The following XPO7 variants were observed in gnomAD, a reference collection of about 807,000 sequenced individuals.
The protein encoded by XPO7 is exportin-7.
XPO7 carries 21 observed loss-of-function variants against 144.3 expected under a neutral mutation model. The observed-to-expected ratio is 0.15, with a 90% CI of 0.10 to 0.21. The LOEUF (loss-of-function observed/expected upper bound fraction) is 0.21. XPO7 is among the 10% of genes least tolerant of loss of function. XPO7 has a pLI of 1.00. For missense variants in XPO7, 808 were observed against 1,325.8 expected, an observed-to-expected ratio of 0.61 and a Z score of 6.06; for synonymous variants, 580 against 499.6, an observed-to-expected ratio of 1.16 and a Z score of -2.15.
rs140497489 is a variant in XPO7, at chr8:21,971,477, G to A, written c.427-399G>A. ...ATTTATTGCTTATATTTGTTTTTCT[G>A]TGAACTTCTATTTATATCTTAACCA... On this transcript the variant is annotated intron_variant, in intron 4 of 27. Coordinates refer to ENST00000252512, the MANE Select transcript of XPO7 (RefSeq NM_015024.5). 5.0e-3 allele frequency among the ~76,000 whole-genome samples: 766 copies of A among 152,254 alleles called. 6 individuals are homozygous for A. Among genetic ancestry groups the A allele is most frequent in the African/African-American group, 0.017 (725 of 41,554 alleles).
intron 1 of XPO7, chr8:21,921,413 GAA>G (rs1810283308): frequency 6.6e-6 from 1 of 152,250 alleles, no homozygotes; most frequent in Non-Finnish European, 1.5e-5. Flanking sequence ...GAGCATTCTA[GAA>G]CAGGCTTTGA....
chr8:21,957,376 C>A (rs1811570942), intron 1 of XPO7, among the ~76,000 whole-genome samples: 1 of 152,020 alleles, frequency 6.6e-6, no homozygotes, highest in Non-Finnish European at 1.5e-5. Context: ...TTTGGGCCAC[C>A]CCACTTCACC....
At chr8:21,977,006 T>C (rs1812245204) in intron 7 of XPO7, among the ~76,000 whole-genome samples, 1 of 152,232 alleles carries the variant, frequency 6.6e-6, no homozygotes, top group Admixed American at 6.5e-5. Flanking sequence ...AGTAATCTCA[T>C]AGATCCCCCA....
chr8:21,982,927 A>C, intron 11 of XPO7, 115 bp downstream of exon 11: 1 of 1,278,432 alleles, frequency 7.8e-7, no homozygotes, highest in Non-Finnish European at 1.1e-6. Context: ...TGGAGCCACT[A>C]CTGTTCATGG....
At chr8:22,002,797 T>TAA (rs3214963) in intron 25 of XPO7, among the ~76,000 whole-genome samples, 32,768 of 152,142 alleles carry the variant, frequency 0.22, 5,197 homozygotes, top group African/African-American at 0.45. Context: ...TAGCCAGTCT[T>TAA]ACCTTTGTCC....
At chr8:21,927,938 G>C (rs1788928442) in intron 1 of XPO7, among the ~76,000 whole-genome samples, 1 of 152,188 alleles carries the variant, frequency 6.6e-6, no homozygotes, top group South Asian at 2.1e-4. Flanking sequence ...GATTACTGTT[G>C]TGTAAATCTG....
At chr8:21,924,475 C>T (rs1445144053) in intron 1 of XPO7, among the ~76,000 whole-genome samples, 1 of 151,176 alleles carries the variant, frequency 6.6e-6, no homozygotes. Flanking sequence ...AACTACTATC[C>T]TGTCATTTTA....
At position 21,976,548 on chromosome 8, in the gene XPO7, G is replaced by A. The variant is rs1431568065; in HGVS notation, c.763+27G>A. Reference sequence around the variant, plus strand: ...TAACAGAACTTCCTCCACCTCAAAGGCTGTCTGTCACTCCCCTACAGAGTG... The same window carrying A: ...TAACAGAACTTCCTCCACCTCAAAGACTGTCTGTCACTCCCCTACAGAGTG... On this transcript the variant is annotated intron_variant, in intron 7 of 27. Transcript: ENST00000252512. 1.9e-6 allele frequency: 3 copies of A among 1,598,798 alleles called. No individual in the cohort carries two copies. The South Asian group carries it at 3.4e-5, about 18-fold the overall frequency.
At chr8:22,001,099 G>A (rs973032769) in intron 24 of XPO7, among the ~76,000 whole-genome samples, 1 of 152,100 alleles carries the variant, frequency 6.6e-6, no homozygotes, top group Non-Finnish European at 1.5e-5. Context: ...CAGATCACAA[G>A]GTCAGGAGCT....
chr8:21,975,829 T>TA (rs1296300831), intron 6 of XPO7, among the ~76,000 whole-genome samples: 4 of 152,242 alleles, frequency 2.6e-5, no homozygotes, highest in Non-Finnish European at 5.9e-5. Context: ...CTATGGCCAG[T>TA]ACTCACCTGT....
At chr8:21,984,240 C>A (rs117418513) in intron 11 of XPO7, among the ~76,000 whole-genome samples, 1 of 152,050 alleles carries the variant, frequency 6.6e-6, no homozygotes, top group East Asian at 1.9e-4. Context: ...TTGAACAGTT[C>A]TGAATTCCAA....
In XPO7 at chr8:21,982,770, C is replaced by T; in HGVS notation, c.1235C>T (p.Ala412Val). 1 of 1,613,590 alleles carries T rather than the reference C, an allele frequency of 6.2e-7. No homozygotes were observed. Among genetic ancestry groups the T allele is most frequent in the Non-Finnish European group, 8.5e-7 (1 of 1,179,758 alleles). ...LETYTPEVTKAYITSRLESVH... is the reference protein window; with the variant it reads ...LETYTPEVTKVYITSRLESVH... ...ACTTACACTCCTGAGGTCACCAAAG[C>T]CTACATCACATCCCGGTTGGAATCT... Residue 412 changes from alanine to valine, a missense_variant, in exon 11 of 28, where the codon GCC (alanine) becomes GTC (valine). By Grantham distance (64) the Ala-to-Val change is moderately conservative. Coordinates refer to ENST00000252512, the MANE Select transcript of XPO7 (RefSeq NM_015024.5).
intron 1 of XPO7, among the ~76,000 whole-genome samples, chr8:21,927,655 C>T (rs1413192733): frequency 6.6e-6 from 1 of 151,466 alleles, no homozygotes; most frequent in Non-Finnish European, 1.5e-5. Context: ...AAGCAGTTCT[C>T]CTGCCTCAGC....
intron 1 of XPO7, among the ~76,000 whole-genome samples, chr8:21,923,207 T>G (rs1327184102): frequency 6.6e-6 from 1 of 152,250 alleles, no homozygotes; most frequent in African/African-American, 2.4e-5. Flanking sequence ...AGGCCCTTTC[T>G]GTGCTGGGCA....
chr8:21,962,372 TA>T (rs557327425), intron 1 of XPO7, among the ~76,000 whole-genome samples: 1 of 152,204 alleles, frequency 6.6e-6, no homozygotes, highest in Non-Finnish European at 1.5e-5. Flanking sequence ...AAATGAGTAA[TA>T]AATGCAAATG....
intron 1 of XPO7, among the ~76,000 whole-genome samples, chr8:21,961,482 C>T (rs1811724141): frequency 6.6e-6 from 1 of 152,128 alleles, no homozygotes; most frequent in African/African-American, 2.4e-5. Flanking sequence ...TCCTGAAGTG[C>T]TGGGATTATA....
intron 1 of XPO7, among the ~76,000 whole-genome samples, chr8:21,930,989 C>G (rs576241521): frequency 1.4e-4 from 21 of 151,414 alleles, no homozygotes; most frequent in Admixed American, 2.6e-4. Context: ...ACTACAGGCA[C>G]GCACCACCAT....
chr8:21,974,870 A>T, intron 6 of XPO7, 96 bp downstream of exon 6: 2 of 981,060 alleles, frequency 2.0e-6, no homozygotes, highest in African/African-American at 1.7e-5. Flanking sequence ...TGATCCCACG[A>T]GAGTTTATGC....
chr8:21,934,587 T>G (rs956410024), intron 1 of XPO7, among the ~76,000 whole-genome samples: 1 of 151,142 alleles, frequency 6.6e-6, no homozygotes. Flanking sequence ...TATTTTGGGG[T>G]GACAGTATTC....
Sources: allele counts gnomAD v4.1 joint callset (sites outside exome capture counted in the v4.1 genomes callset), GRCh38; gene constraint gnomAD v4.1.1; transcripts MANE v1.5; gene names NCBI Gene and HGNC (gene_info 2026-07-23, HGNC 2026-07-21).